ZNF143: variants seen among roughly 807,000 people sequenced by gnomAD.
The protein encoded by ZNF143 is zinc finger protein 143.
Under a neutral mutation model 74.1 loss-of-function variants are expected in ZNF143, and 49 were observed. The ratio of observed to expected loss-of-function variants is 0.66; its 90% CI spans 0.53 to 0.84. The LOEUF is 0.84. Ranked by LOEUF, ZNF143 falls within the 40% of genes least tolerant of loss-of-function variation. ZNF143 has a pLI of 0.00. For missense variants in ZNF143, 637 were observed against 793.4 expected, an observed-to-expected ratio of 0.80 and a Z score of 2.37; for synonymous variants, 304 against 282.8, an observed-to-expected ratio of 1.07 and a Z score of -0.75.
At chr11:9,465,543 A>C (rs936466361) in intron 1 of ZNF143, among the ~76,000 whole-genome samples, 1 of 151,710 alleles carries the variant, frequency 6.6e-6, no homozygotes, top group South Asian at 2.1e-4. Context: ...TCTGTCGCCC[A>C]GGCTGGAGTG....
chr11:9,484,099 C>G (rs894546953), intron 7 of ZNF143, among the ~76,000 whole-genome samples: 1 of 151,470 alleles, frequency 6.6e-6, no homozygotes, highest in African/African-American at 2.4e-5. Context: ...TATTATATTT[C>G]TCTTCATTAG....
intron 7 of ZNF143, among the ~76,000 whole-genome samples, chr11:9,492,858 T>G (rs1370123635): frequency 6.6e-6 from 1 of 152,130 alleles, no homozygotes; most frequent in African/African-American, 2.4e-5. Context: ...AGACAGTTGA[T>G]TAAAGTTTCA....
At chr11:9,514,426 G>A (rs545341644) in intron 13 of ZNF143, among the ~76,000 whole-genome samples, 1 of 152,314 alleles carries the variant, frequency 6.6e-6, no homozygotes, top group South Asian at 2.1e-4. Context: ...CCCCATGCCA[G>A]ACATTTTGGT....
intron 1 of ZNF143, among the ~76,000 whole-genome samples, chr11:9,463,354 A>G (rs1855986901): frequency 1.3e-5 from 2 of 152,218 alleles, no homozygotes; most frequent in Non-Finnish European, 2.9e-5. Flanking sequence ...GAGGTACTCT[A>G]AAACTTTTTC....
rs1565054571 is a variant in ZNF143 at position 9,504,261 on chromosome 11, A to AAGACTTTTTTTTTGAGATGGAGTCTC, written c.1147+2991_1147+2992insAGACTTTTTTTTTGAGATGGAGTCTC. Among the ~76,000 whole-genome samples, 848 of 130,166 alleles carry AAGACTTTTTTTTTGAGATGGAGTCTC rather than the reference A, an allele frequency of 6.5e-3. 116 individuals are homozygous for AAGACTTTTTTTTTGAGATGGAGTCTC. The highest frequency in any genetic ancestry group is 9.6e-3 in the Non-Finnish European group (528 of 54,788). The allele number at this position is 130,166 out of a possible 152,430, so 85.4% of individuals were successfully genotyped here. A position where few individuals can be genotyped will look rare whatever the true frequency, so the allele number is the denominator to read the frequency against. ...GGTTTGAGCCACCACACCTGGCCAA[A>AAGACTTTTTTTTTGAGATGGAGTCTC]GCATCTTTTTATGTATTTATTAGCC... On this transcript the variant is annotated intron_variant, in intron 11 of 15. Transcript: ENST00000396602.
chr11:9,524,690 G>A (rs533024238), intron 14 of ZNF143, among the ~76,000 whole-genome samples: 1 of 152,196 alleles, frequency 6.6e-6, no homozygotes, highest in African/African-American at 2.4e-5. Context: ...AATCCTCCTG[G>A]CTAGATGCTG....
intron 7 of ZNF143, among the ~76,000 whole-genome samples, chr11:9,482,826 A>G (rs893722075): frequency 2.0e-5 from 3 of 151,522 alleles, no homozygotes; most frequent in Admixed American, 6.6e-5. Context: ...TTTTGAAGAC[A>G]TAGTACGATA....
intron 7 of ZNF143, among the ~76,000 whole-genome samples, chr11:9,492,105 A>ATT (rs34432476): frequency 0.11 from 10,803 of 100,040 alleles, 869 homozygotes; most frequent in Non-Finnish European, 0.16. Flanking sequence ...CACCTGGCTA[A>ATT]TTTTTTTTTT....
At chr11:9,526,654 C>T (rs1307824888) in intron 15 of ZNF143, among the ~76,000 whole-genome samples, 1 of 151,462 alleles carries the variant, frequency 6.6e-6, no homozygotes, top group Non-Finnish European at 1.5e-5. Flanking sequence ...GTTGCTCAGG[C>T]TGGTCTTGAA....
chr11:9,497,538 A>G, intron 9 of ZNF143, 137 bp from the exon 10 acceptor site: 1 of 697,264 alleles, frequency 1.4e-6, no homozygotes, highest in Non-Finnish European at 2.2e-6. Flanking sequence ...GCCCTTTTGT[A>G]CATTTTAAAT....
At chr11:9,479,173 A>G (rs1275847228) in intron 6 of ZNF143, among the ~76,000 whole-genome samples, 1 of 148,854 alleles carries the variant, frequency 6.7e-6, no homozygotes, top group Non-Finnish European at 1.5e-5. Flanking sequence ...TTTTTTCTTT[A>G]CAAACAAAAT....
In ZNF143 at chr11:9,515,926, A is replaced by G. The variant is rs138397248; in HGVS notation, c.1525-275A>G. 2.6e-3 allele frequency among the ~76,000 whole-genome samples: 393 copies of G among 152,096 alleles called. 1 individual carries two copies. Among genetic ancestry groups the G allele is most frequent in the African/African-American group, 9.1e-3 (379 of 41,484 alleles). The stretch of plus-strand genomic sequence containing the variant: ...CTTGAACCCAGGAGTTTTAGACTTC[A>G]GTGATTTATGATTGCATCACTGCCC... On this transcript the variant is annotated intron_variant, in intron 13 of 15. Transcript: ENST00000396602.
At position 9,496,110 on chromosome 11, in the gene ZNF143, A is replaced by G. The variant is rs73406279; in HGVS notation, c.766-193A>G. Reference sequence around the variant, plus strand: ...TTCCCTACTTAAAACATTAGTAACTATCTCTTAATATTTAACATTTAGGTC... The same window carrying G: ...TTCCCTACTTAAAACATTAGTAACTGTCTCTTAATATTTAACATTTAGGTC... On this transcript the variant is annotated intron_variant, in intron 8 of 15. Transcript: ENST00000396602. Among the ~76,000 whole-genome samples the G allele has an allele frequency of 0.037, 5,598 of 152,288 alleles. 334 individuals carry two copies. Among genetic ancestry groups the G allele is most frequent in the African/African-American group, 0.13 (5,217 of 41,542 alleles).
At chr11:9,491,045 G>A (rs1847754424) in intron 7 of ZNF143, among the ~76,000 whole-genome samples, 1 of 152,166 alleles carries the variant, frequency 6.6e-6, no homozygotes, top group Non-Finnish European at 1.5e-5. Flanking sequence ...AGAAAATTTT[G>A]TTCTAATAAT....
intron 7 of ZNF143, among the ~76,000 whole-genome samples, chr11:9,491,653 A>G (rs1314326668): frequency 1.3e-5 from 2 of 151,776 alleles, no homozygotes; most frequent in Non-Finnish European, 2.9e-5. Context: ...AAAAAAAGAC[A>G]GGTGTCTCAC....
In ZNF143 at chr11:9,508,824, A is replaced by G; in HGVS notation, c.1353A>G (p.Glu451=). ...NDTEPIEEEQ[E]AFFEPPPGQG... ...CTGAGCCCATCGAGGAGGAGCAGGAAGCCTTCTTTGAGCCGCCCCCAGGTG... is the reference window on the plus strand; with the variant it reads ...CTGAGCCCATCGAGGAGGAGCAGGAGGCCTTCTTTGAGCCGCCCCCAGGTG... Residue 451 remains glutamate (E), a synonymous_variant, in exon 12 of 16, where the codon GAA becomes GAG. Coordinates refer to ENST00000396602, the MANE Select transcript of ZNF143 (RefSeq NM_003442.6). 1 of 1,596,642 alleles carries G rather than the reference A, an allele frequency of 6.3e-7. No homozygotes were observed. The highest frequency in any genetic ancestry group is 2.3e-5 in the East Asian group (1 of 44,042).
rs1181000575 is a variant in ZNF143 at position 9,478,407 on chromosome 11, G to A, written c.391G>A (p.Ala131Thr). Residue 131 changes from alanine (A) to threonine (T), a missense_variant, in exon 6 of 16, where the codon GCA (alanine) becomes ACA (threonine). Around this residue, in one of 2 missense-constraint regions of ZNF143, gnomAD observed 293 missense variants for 307.8 expected, o/e 0.95. Coordinates refer to ENST00000396602, the MANE Select transcript of ZNF143 (RefSeq NM_003442.6). ...HTSKDSYDQS[A>T]LQAVQLEDGT... Reference sequence around the variant, plus strand: ...TCTCTCAGATAGTTATGACCAGAGTGCATTACAGGCGGTTCAGCTGGAAGA... The same window carrying A: ...TCTCTCAGATAGTTATGACCAGAGTACATTACAGGCGGTTCAGCTGGAAGA... The A allele has an allele frequency of 6.2e-7, 1 of 1,613,986 alleles. No individual in the cohort carries two copies. Among genetic ancestry groups the A allele is most frequent in the East Asian group, 2.2e-5 (1 of 44,874 alleles).
chr11:9,511,298 TG>T (rs1330418847), intron 12 of ZNF143, among the ~76,000 whole-genome samples: 1 of 151,078 alleles, frequency 6.6e-6, no homozygotes, highest in Admixed American at 6.6e-5. Context: ...TTTGTTTGTT[TG>T]TTTGTTTTTG....
intron 1 of ZNF143, among the ~76,000 whole-genome samples, chr11:9,461,488 C>T (rs987715997): frequency 6.6e-6 from 1 of 152,174 alleles, no homozygotes; most frequent in Non-Finnish European, 1.5e-5. Context: ...GTTCCGCCGC[C>T]TGGGACGCCG....
Sources: allele counts gnomAD v4.1 joint callset (sites outside exome capture counted in the v4.1 genomes callset), GRCh38; gene constraint gnomAD v4.1.1; regional missense constraint gnomAD v4.1.1; transcripts MANE v1.5; gene names NCBI Gene and HGNC (gene_info 2026-07-23, HGNC 2026-07-21).